PPM1H: variants seen among roughly 807,000 people sequenced by gnomAD.
PPM1H encodes the protein protein phosphatase, Mg2+/Mn2+ dependent 1H.
A neutral mutation model predicts 54.9 loss-of-function variants in PPM1H; 27 were observed. That is an observed-to-expected ratio of 0.49 (90% CI 0.36 to 0.68). The LOEUF (loss-of-function observed/expected upper bound fraction) is 0.68, where lower values mean the gene tolerates loss of function less well. Among genes scored for constraint, PPM1H ranks in the 30% least tolerant of loss-of-function variants. The pLI is 0.00. For missense variants in PPM1H, 596 were observed against 667.8 expected (o/e 0.89, Z 1.19); for synonymous variants, 305 against 270.8 (o/e 1.13, Z -1.24).
rs1406792400 is a variant in PPM1H at position 62,645,691 on chromosome 12, C to T, written c.*2798G>A. On this transcript the variant is annotated 3_prime_UTR_variant, in exon 10 of 10. Coordinates refer to ENST00000228705, the MANE Select transcript of PPM1H (RefSeq NM_020700.2). ...AGAGATTTAGAGCAGGAAAGCCTTT[C>T]ATTAAAGTAGCCACACACCCCTCGA... 6.6e-6 allele frequency: 1 copy of T among 152,216 alleles called. No individual in the cohort carries two copies. Among genetic ancestry groups the T allele is most frequent in the Non-Finnish European group, 1.5e-5 (1 of 68,066 alleles). The allele number at this position is 152,216 out of a possible 1,614,324, so 9.4% of individuals were successfully genotyped here.
At position 62,934,990 on chromosome 12, in the gene PPM1H, G is replaced by C. The variant is rs1208651520; in HGVS notation, c.-254C>G. On this transcript the variant is annotated 5_prime_UTR_variant, in exon 1 of 10. Coordinates refer to ENST00000228705, the MANE Select transcript of PPM1H (RefSeq NM_020700.2). The surrounding 1 kb of genome is among the most constrained non-coding windows in gnomAD (Gnocchi z 4.2). ...GAGCTGCATGGAGCGGGCCGACCGGGGGAGTCACCGCGCGCTCCAGGAGCG... is the reference window on the plus strand; with the variant it reads ...GAGCTGCATGGAGCGGGCCGACCGGCGGAGTCACCGCGCGCTCCAGGAGCG... 1 of 239,156 alleles carries C rather than the reference G, an allele frequency of 4.2e-6. No homozygotes were observed. Among genetic ancestry groups the C allele is most frequent in the Non-Finnish European group, 7.9e-6 (1 of 127,254 alleles). 14.8% of individuals were successfully genotyped at this position (239,156 alleles called of 1,614,324 possible). A position where few individuals can be genotyped will look rare whatever the true frequency, so the allele number is the denominator to read the frequency against.
rs149059363 is a variant in PPM1H at position 62,852,492 on chromosome 12, C to T, written c.246-20213G>A. 2.1e-3 allele frequency among the ~76,000 whole-genome samples: 324 copies of T among 152,252 alleles called. 2 individuals are homozygous for T. Among genetic ancestry groups the T allele is most frequent in the African/African-American group, 7.4e-3 (307 of 41,530 alleles). On this transcript the variant is annotated intron_variant, in intron 1 of 9. Transcript: ENST00000228705. ...AAGTAAATTTGTTGTTTATGTACCA[C>T]TCAGTCTGCGATACTTTGTTACAGC...
intron 8 of PPM1H, among the ~76,000 whole-genome samples, chr12:62,669,205 A>G (rs1029086391): frequency 1.3e-5 from 2 of 152,266 alleles, no homozygotes; most frequent in Admixed American, 1.3e-4. Context: ...AGTTTCCGGC[A>G]GACCAGAAAG....
At chr12:62,817,105 C>T (rs2076870442) in intron 2 of PPM1H, among the ~76,000 whole-genome samples, 2 of 60,156 alleles carry the variant, frequency 3.3e-5, no homozygotes, top group South Asian at 1.0e-3. Context: ...TGAAAGAAAC[C>T]ACTGCATTAC....
rs527357988 is a variant in PPM1H at position 62,760,481 on chromosome 12, C to G, written c.870-22895G>C. 2.6e-5 allele frequency among the ~76,000 whole-genome samples: 4 copies of G among 152,298 alleles called. No homozygotes were observed. The South Asian group carries it at 6.2e-4, about 24-fold the overall frequency. On this transcript the variant is annotated intron_variant, in intron 4 of 9. Coordinates refer to ENST00000228705, the MANE Select transcript of PPM1H (RefSeq NM_020700.2). ...AACTCTTCTTCAGCCTCTGCTCCCCCACCCTATAACCCTTCTATTACCTCC... is the reference window on the plus strand; with the variant it reads ...AACTCTTCTTCAGCCTCTGCTCCCCGACCCTATAACCCTTCTATTACCTCC...
intron 3 of PPM1H, among the ~76,000 whole-genome samples, chr12:62,797,663 G>A (rs1441585877): frequency 6.6e-6 from 1 of 152,184 alleles, no homozygotes; most frequent in South Asian, 2.1e-4. Flanking sequence ...AATATTGAGA[G>A]GGGGAGGAAA....
chr12:62,786,606 T>C (rs2076673303), intron 4 of PPM1H, among the ~76,000 whole-genome samples: 1 of 152,198 alleles, frequency 6.6e-6, no homozygotes, highest in East Asian at 1.9e-4. Flanking sequence ...TGCTACAGCG[T>C]TTCCTTCCCT....
chr12:62,803,697 T>C (rs1411639143), intron 2 of PPM1H, among the ~76,000 whole-genome samples: 1 of 152,066 alleles, frequency 6.6e-6, no homozygotes, highest in African/African-American at 2.4e-5. Context: ...AACAAACAAG[T>C]GGGACTACAT....
At position 62,825,808 on chromosome 12, in the gene PPM1H, ACC is replaced by A. The variant is rs763039112; in HGVS notation, c.411+6304_411+6305del. Among the ~76,000 whole-genome samples, 782 of 152,196 alleles carry A rather than the reference ACC, an allele frequency of 5.1e-3. 4 individuals carry two copies. Among genetic ancestry groups the A allele is most frequent in the Middle Eastern group, 0.01 (3 of 294 alleles). ...AATGATGAGTTAATGGGTGCAGCAA[ACC>A]AACATGGCACACATATACCTACGTA... On this transcript the variant is annotated intron_variant, in intron 2 of 9. Transcript: ENST00000228705.
chr12:62,698,436 A>G (rs570769704), intron 6 of PPM1H, among the ~76,000 whole-genome samples: 1 of 152,254 alleles, frequency 6.6e-6, no homozygotes, highest in African/African-American at 2.4e-5. Flanking sequence ...ACTATCTCAA[A>G]GTTTCCTTTT....
In PPM1H at chr12:62,727,637, A is replaced by ATATTATTATTATTATTAT. The variant is rs146320023; in HGVS notation, c.955-7366_955-7349dup. Among the ~76,000 whole-genome samples the ATATTATTATTATTATTAT allele has an allele frequency of 6.5e-3, 913 of 139,790 alleles. 5 individuals are homozygous for ATATTATTATTATTATTAT. Among genetic ancestry groups the ATATTATTATTATTATTAT allele is most frequent in the Middle Eastern group, 0.022 (6 of 270 alleles). The allele number at this position is 139,790 out of a possible 152,430, so 91.7% of individuals were successfully genotyped here. A position where few individuals can be genotyped will look rare whatever the true frequency, so the allele number is the denominator to read the frequency against. ...ATTAGCAGTTGATATTAAAATGCAA[A>ATATTATTATTATTATTAT]TATTATTATTATTATTATTATTATT... On this transcript the variant is annotated intron_variant, in intron 5 of 9. Coordinates refer to ENST00000228705, the MANE Select transcript of PPM1H (RefSeq NM_020700.2).
chr12:62,759,593 T>C (rs1396307363), intron 4 of PPM1H, among the ~76,000 whole-genome samples: 2 of 152,238 alleles, frequency 1.3e-5, no homozygotes, highest in Non-Finnish European at 2.9e-5. Flanking sequence ...TGCCTGATTA[T>C]TCACCCACGT....
chr12:62,886,874 G>A (rs747677246), intron 1 of PPM1H, among the ~76,000 whole-genome samples: 2 of 152,200 alleles, frequency 1.3e-5, no homozygotes, highest in Non-Finnish European at 2.9e-5. Context: ...TTTTAACTCA[G>A]TAAAGGATGG....
intron 2 of PPM1H, among the ~76,000 whole-genome samples, chr12:62,825,236 A>G (rs1388946637): frequency 1.3e-5 from 2 of 152,238 alleles, no homozygotes; most frequent in Non-Finnish European, 2.9e-5. Flanking sequence ...TCAGGAAACA[A>G]CAGATGCTGG....
intron 4 of PPM1H, among the ~76,000 whole-genome samples, chr12:62,771,750 G>A (rs1416175722): frequency 6.6e-6 from 1 of 152,060 alleles, no homozygotes; most frequent in African/African-American, 2.4e-5. Flanking sequence ...AAATGCACTC[G>A]ATTCACACAT....
intron 4 of PPM1H, among the ~76,000 whole-genome samples, chr12:62,784,319 G>A (rs2076658835): frequency 6.6e-6 from 1 of 152,088 alleles, no homozygotes; most frequent in Non-Finnish European, 1.5e-5. Context: ...AACCCATAAA[G>A]CCACAAACAG....
intron 1 of PPM1H, among the ~76,000 whole-genome samples, chr12:62,884,159 T>C (rs1481859478): frequency 6.6e-6 from 1 of 152,050 alleles, no homozygotes; most frequent in Non-Finnish European, 1.5e-5. Flanking sequence ...CTCTTACAGA[T>C]ACTGAATTTG....
chr12:62,664,765 C>G (rs985432939), intron 9 of PPM1H, among the ~76,000 whole-genome samples: 4 of 152,186 alleles, frequency 2.6e-5, no homozygotes, highest in Admixed American at 1.3e-4. Context: ...CCTGAGCACA[C>G]CCTGTAGAAA....
At chr12:62,922,595 G>T (rs551973697) in intron 1 of PPM1H, among the ~76,000 whole-genome samples, 2 of 152,292 alleles carry the variant, frequency 1.3e-5, no homozygotes, top group East Asian at 3.9e-4. Context: ...AAAGTCCACA[G>T]AAAGAAAATA....
Sources: allele counts gnomAD v4.1 joint callset (sites outside exome capture counted in the v4.1 genomes callset), GRCh38; gene constraint gnomAD v4.1.1; non-coding constraint Gnocchi (gnomAD v3.1); transcripts MANE v1.5; gene names NCBI Gene and HGNC (gene_info 2026-07-23, HGNC 2026-07-21).